Variants in MCM10 observed in about 807,000 individuals in gnomAD.
MCM10 encodes minichromosome maintenance 10 replication initiation factor.
In MCM10, 91 loss-of-function variants were observed where a neutral mutation model predicts 109.9. The ratio of observed to expected loss-of-function variants is 0.83; its 90% CI spans 0.70 to 0.99. The LOEUF (loss-of-function observed/expected upper bound fraction) is 0.99. Ranked by LOEUF, MCM10 falls within the 50% of genes least tolerant of loss-of-function variation. The probability of loss-of-function intolerance (pLI) is 0.00; values close to 1 mark genes in which losing one functional copy is unlikely to be tolerated. For missense variants in MCM10, 1,077 were observed against 1,061.2 expected, an observed-to-expected ratio of 1.01 and a Z score of -0.21; for synonymous variants, 380 against 387.2, an observed-to-expected ratio of 0.98 and a Z score of 0.22.
At chr10:13,183,889 G>A (rs911080500) in intron 8 of MCM10, among the ~76,000 whole-genome samples, 6 of 151,908 alleles carry the variant, frequency 3.9e-5, no homozygotes, top group Admixed American at 6.6e-5. Flanking sequence ...ATGGAGTTTC[G>A]CTCTTGTTGC....
At chr10:13,189,410 A>G (rs1163648730) in intron 10 of MCM10, among the ~76,000 whole-genome samples, 1 of 151,926 alleles carries the variant, frequency 6.6e-6, no homozygotes, top group African/African-American at 2.4e-5. Flanking sequence ...GCAACCTCCA[A>G]GTCCTGGGTT....
In MCM10 at chr10:13,162,556, G is replaced by A. The variant is rs184209277; in HGVS notation, c.-76+950G>A. Among the ~76,000 whole-genome samples, 726 of 152,274 alleles carry A rather than the reference G, an allele frequency of 4.8e-3. 4 individuals carry two copies. The highest frequency in any genetic ancestry group is 0.016 in the African/African-American group (675 of 41,540). ...CTGGCAGTGAAGTTGGAGAGAAGTGGCAGATTTGAGCAGTGTTTTGGAGAT... is the reference window on the plus strand; with the variant it reads ...CTGGCAGTGAAGTTGGAGAGAAGTGACAGATTTGAGCAGTGTTTTGGAGAT... On this transcript the variant is annotated intron_variant, in intron 1 of 19. Coordinates refer to ENST00000378714, the MANE Select transcript of MCM10 (RefSeq NM_018518.5).
At position 13,171,015 on chromosome 10, in the gene MCM10, G is replaced by A. The variant is rs150335901; in HGVS notation, c.101G>A (p.Arg34Gln). 44 of 1,614,204 alleles carry A rather than the reference G, an allele frequency of 2.7e-5. 1 individual carries two copies. The South Asian group carries it at 4.0e-4, about 15-fold the overall frequency. The change falls in exon 3 of 20, where the codon CGG becomes CAG. Residue 34 changes from arginine to glutamine, a missense_variant. Coordinates refer to ENST00000378714, the MANE Select transcript of MCM10 (RefSeq NM_018518.5). ...CNSEENNFLT[R>Q]ENGEPDAFDE... The stretch of plus-strand genomic sequence containing the variant: ...TCAGAAGAAAATAACTTCTTGACGC[G>A]GGAAAATGGCGAGCCCGACGCATTT...
At chr10:13,187,555 G>A (rs1374021005) in intron 9 of MCM10, among the ~76,000 whole-genome samples, 1 of 152,156 alleles carries the variant, frequency 6.6e-6, no homozygotes, top group African/African-American at 2.4e-5. Context: ...CTGCCAGACT[G>A]GTTTCCCAAG....
At position 13,196,074 on chromosome 10, in the gene MCM10, A is replaced by C. The variant is rs150703106; in HGVS notation, c.1974+805A>C. Reference sequence around the variant, plus strand: ...GGCACATGCCACCACGCCTTGGCTAATTTTTGTATTTTTTGTAGAGATGGG... The same window carrying C: ...GGCACATGCCACCACGCCTTGGCTACTTTTTGTATTTTTTGTAGAGATGGG... On this transcript the variant is annotated intron_variant, in intron 14 of 19. Transcript: ENST00000378714. 2.0e-3 allele frequency among the ~76,000 whole-genome samples: 311 copies of C among 151,822 alleles called. 2 individuals are homozygous for C. The highest frequency in any genetic ancestry group is 7.0e-3 in the African/African-American group (289 of 41,398).
intron 18 of MCM10, among the ~76,000 whole-genome samples, chr10:13,205,600 A>C (rs1240499913): frequency 6.6e-6 from 1 of 152,158 alleles, no homozygotes; most frequent in Non-Finnish European, 1.5e-5. Context: ...AGAAATCTTC[A>C]TATGTTTTCT....
intron 17 of MCM10, chr10:13,201,864 G>T (rs1277911477): frequency 1.2e-5 from 3 of 254,250 alleles, no homozygotes; most frequent in African/African-American, 2.2e-5. Flanking sequence ...TCCTCGCTCA[G>T]CGTTCTCAGG....
At chr10:13,196,016 G>A (rs1286769477) in intron 14 of MCM10, among the ~76,000 whole-genome samples, 1 of 151,942 alleles carries the variant, frequency 6.6e-6, no homozygotes, top group African/African-American at 2.4e-5. Context: ...TCATCCACCT[G>A]CCTCAGCCTC....
At chr10:13,176,300 T>A (rs144535510) in intron 6 of MCM10, among the ~76,000 whole-genome samples, 26 of 152,348 alleles carry the variant, frequency 1.7e-4, no homozygotes, top group African/African-American at 5.8e-4. Flanking sequence ...CTCAATCCAA[T>A]TAAAAGCTAT....
At chr10:13,197,852 T>G (rs984772494) in intron 15 of MCM10, 85 bp downstream of exon 15, 1 of 1,369,030 alleles carries the variant, frequency 7.3e-7, no homozygotes, top group Non-Finnish European at 1.0e-6. Context: ...CACCCAGATA[T>G]CAAGCAATTA....
Position 13,188,797 on chromosome 10 carries a change from A to G in MCM10, c.1216-84A>G, listed in dbSNP as rs191637160. ...ACTCTGCATGCGTCATGTTCCGGGAAGTGGGGAGAAGGAACTGTGTCTGCT... is the reference window on the plus strand; with the variant it reads ...ACTCTGCATGCGTCATGTTCCGGGAGGTGGGGAGAAGGAACTGTGTCTGCT... On this transcript the variant is annotated intron_variant, in intron 9 of 19. Transcript: ENST00000378714. 277 of 1,164,932 alleles carry G rather than the reference A, an allele frequency of 2.4e-4. 3 individuals carry two copies. Among genetic ancestry groups the G allele is most frequent in the African/African-American group, 2.3e-3 (153 of 66,492 alleles). 72.2% of individuals were successfully genotyped at this position (1,164,932 alleles called of 1,614,324 possible).
intron 8 of MCM10, among the ~76,000 whole-genome samples, chr10:13,184,339 TTATAG>T (rs1564386537): frequency 1.3e-5 from 2 of 152,122 alleles, no homozygotes; most frequent in Non-Finnish European, 2.9e-5. Flanking sequence ...AAGCAGTGTT[TTATAG>T]TTGAGGGGAT....
intron 6 of MCM10, among the ~76,000 whole-genome samples, chr10:13,179,912 A>C (rs11258231): frequency 0.051 from 7,820 of 152,322 alleles, 264 homozygotes; most frequent in Admixed American, 0.087. Context: ...CTTGTATTCT[A>C]TATAAGCCCT....
At chr10:13,161,635 G>C (rs1833928342) in intron 1 of MCM10, 29 bp downstream of exon 1, 1 of 152,350 alleles carries the variant, frequency 6.6e-6, no homozygotes, top group African/African-American at 2.4e-5. Context: ...GGGCGTGCGT[G>C]TGACCCTCGG....
intron 6 of MCM10, 70 bp from the exon 7 acceptor site, chr10:13,180,372 C>A: frequency 7.2e-7 from 1 of 1,388,000 alleles, no homozygotes. Flanking sequence ...CACTCCCTTA[C>A]CACCTGCTAA....
At position 13,195,025 on chromosome 10, in the gene MCM10, T is replaced by C. The variant is rs370773284; in HGVS notation, c.1746-16T>C. The stretch of plus-strand genomic sequence containing the variant: ...GTAAACCCTGTTTGCGTATTTTGAC[T>C]GTATGTTCTTTAAAGATTTCTGCAG... On this transcript the variant is annotated splice_polypyrimidine_tract_variant and intron_variant, in intron 13 of 19. Coordinates refer to ENST00000378714, the MANE Select transcript of MCM10 (RefSeq NM_018518.5). The C allele has an allele frequency of 5.6e-6, 9 of 1,606,080 alleles. No homozygotes were observed. Among genetic ancestry groups the C allele is most frequent in the African/African-American group, 5.4e-5 (4 of 74,746 alleles).
In MCM10 at chr10:13,172,291, G is replaced by A; in HGVS notation, c.350-85G>A. ...TCTCAAGGTATTGGGGCAGGGAGTG[G>A]ACAACAAAAATATTGCCCGCATTTT... On this transcript the variant is annotated intron_variant, in intron 3 of 19. Transcript: ENST00000378714. The surrounding 1 kb of genome is among the most constrained non-coding windows in gnomAD (Gnocchi z 5.2). 1.0e-6 allele frequency: 1 copy of A among 953,306 alleles called. No individual in the cohort carries two copies. Among genetic ancestry groups the A allele is most frequent in the Non-Finnish European group, 1.7e-6 (1 of 594,694 alleles). The allele number at this position is 953,306 out of a possible 1,614,324, so 59.1% of individuals were successfully genotyped here.
At position 13,182,185 on chromosome 10, in the gene MCM10, A is replaced by T. The variant is rs1338849896; in HGVS notation, c.931-748A>T. The stretch of plus-strand genomic sequence containing the variant: ...AAACTTCTTTTTTCATATTAATAAT[A>T]GACTTAGGCTAGGCTTGGTGGCTCA... On this transcript the variant is annotated intron_variant, in intron 7 of 19. Transcript: ENST00000378714. This position sits in a 1 kb window ranked among gnomAD's most constrained non-coding sequence, Gnocchi z 4.2. Among the ~76,000 whole-genome samples the T allele has an allele frequency of 6.6e-6, 1 of 152,268 alleles. No individual in the cohort carries two copies. Among genetic ancestry groups the T allele is most frequent in the Admixed American group, 6.5e-5 (1 of 15,284 alleles).
intron 2 of MCM10, among the ~76,000 whole-genome samples, chr10:13,164,584 G>T (rs922486986): frequency 6.6e-6 from 1 of 152,254 alleles, no homozygotes; most frequent in African/African-American, 2.4e-5. Context: ...GCAGGGCTTT[G>T]AACCAGGCAG....
Sources: gnomAD v4.1 joint callset for allele counts (sites outside exome capture counted in the v4.1 genomes callset) on GRCh38, gnomAD v4.1.1 for gene constraint, Gnocchi (gnomAD v3.1) non-coding constraint, MANE v1.5 for transcripts, NCBI Gene and HGNC (gene_info 2026-07-23, HGNC 2026-07-21) for gene names.